Variants in GALK2 observed in about 807,000 individuals in gnomAD.
GALK2 encodes galactokinase 2.
In GALK2, 36 loss-of-function variants were observed where a neutral mutation model predicts 52.4. That is an observed-to-expected ratio of 0.69 (90% CI 0.53 to 0.91). The LOEUF (loss-of-function observed/expected upper bound fraction) is 0.91, where lower values mean the gene tolerates loss of function less well. Ranked by LOEUF, GALK2 falls within the 40% of genes least tolerant of loss-of-function variation. GALK2 has a pLI of 0.00. For synonymous variants in GALK2, 176 were observed against 199.1 expected (o/e 0.88, Z 0.98); for missense variants, 579 against 559.1 (o/e 1.04, Z -0.36).
intron 3 of GALK2, among the ~76,000 whole-genome samples, chr15:49,219,853 A>G (rs1365099745): frequency 2.0e-5 from 3 of 152,156 alleles, no homozygotes; most frequent in African/African-American, 7.2e-5. Context: ...GTATAATTTT[A>G]CATTTTCACC....
At chr15:49,224,829 G>A (rs1013207529) in intron 3 of GALK2, among the ~76,000 whole-genome samples, 1 of 152,098 alleles carries the variant, frequency 6.6e-6, no homozygotes, top group African/African-American at 2.4e-5. Flanking sequence ...GAGAGAAGTG[G>A]TGTTCTTTTA....
chr15:49,159,084 T>TA (rs2084554664), intron 1 of GALK2: 1 of 152,162 alleles, frequency 6.6e-6, no homozygotes, highest in South Asian at 2.1e-4. Flanking sequence ...AAAGCACTGG[T>TA]ATTACAGGTG....
chr15:49,264,265 A>T (rs940560858), intron 5 of GALK2, among the ~76,000 whole-genome samples: 4 of 151,668 alleles, frequency 2.6e-5, no homozygotes, highest in Admixed American at 2.6e-4. Flanking sequence ...GGCTTTGCTC[A>T]TTTCTTTTTA....
At chr15:49,157,790 G>A (rs528285430) in intron 1 of GALK2, among the ~76,000 whole-genome samples, 3 of 152,214 alleles carry the variant, frequency 2.0e-5, no homozygotes, top group Non-Finnish European at 4.4e-5. Flanking sequence ...TTATTAGCAC[G>A]GCATGTACCA....
intron 3 of GALK2, among the ~76,000 whole-genome samples, chr15:49,218,100 A>G (rs1366936282): frequency 1.3e-5 from 2 of 152,208 alleles, no homozygotes; most frequent in African/African-American, 4.8e-5. Flanking sequence ...GGCATATTAT[A>G]TGTTTGGCTT....
intron 1 of GALK2, chr15:49,178,386 T>TAC (rs1271354748): frequency 6.0e-6 from 1 of 166,136 alleles, no homozygotes; most frequent in African/African-American, 2.4e-5. Context: ...TACATATATA[T>TAC]ATATATGTGA....
chr15:49,354,293 G>A (rs945304317), intron 3 of GALK2, among the ~76,000 whole-genome samples: 2 of 152,186 alleles, frequency 1.3e-5, no homozygotes, highest in African/African-American at 2.4e-5. Context: ...CAGCGTGAGC[G>A]ACGCAGAAGA....
In GALK2 at chr15:49,304,476, A is replaced by G. The variant is rs187409701; in HGVS notation, c.967+11939A>G. On this transcript the variant is annotated intron_variant, in intron 8 of 9. Transcript: ENST00000560031. ...CTCCATCTCAACACGTTTGTCCACA[A>G]TCATGGCAGGAGGAAGGTAATGTTG... is the stretch of plus-strand genomic sequence containing the variant. Among the ~76,000 whole-genome samples, 8 of 152,354 alleles carry G rather than the reference A, an allele frequency of 5.3e-5. No homozygotes were observed. The East Asian group carries it at 1.2e-3, about 22-fold the overall frequency.
intron 1 of GALK2, chr15:49,178,271 T>C (rs2085660563): frequency 7.1e-6 from 1 of 139,974 alleles, no homozygotes; most frequent in African/African-American, 2.6e-5. Flanking sequence ...AATAAAAATA[T>C]ATGTACATGT....
chr15:49,299,552 T>C (rs1204354436), intron 8 of GALK2, among the ~76,000 whole-genome samples: 1 of 152,148 alleles, frequency 6.6e-6, no homozygotes, highest in East Asian at 1.9e-4. Context: ...TAACACTACT[T>C]TAGCTGTGCC....
chr15:49,248,360 C>T (rs1420830885), intron 5 of GALK2, among the ~76,000 whole-genome samples: 1 of 152,178 alleles, frequency 6.6e-6, no homozygotes, highest in African/African-American at 2.4e-5. Context: ...AAAACCTCAT[C>T]CATATAATGG....
chr15:49,353,613 G>T (rs1276066943), intron 3 of GALK2: 1 of 127,646 alleles, frequency 7.8e-6, no homozygotes, highest in Admixed American at 7.5e-5. Context: ...GGAAAATAAG[G>T]GTTTTTTTTT....
rs1325446294 is a variant in GALK2 at position 49,254,674 on chromosome 15, G to C, written c.504+15307G>C. 1.4e-5 allele frequency among the ~76,000 whole-genome samples: 2 copies of C among 143,876 alleles called. 1 individual carries two copies. The highest frequency in any genetic ancestry group is 5.0e-5 in the African/African-American group (2 of 40,238). 94.4% of individuals were successfully genotyped at this position (143,876 alleles called of 152,430 possible). On this transcript the variant is annotated intron_variant, in intron 5 of 9. Coordinates refer to ENST00000560031, the MANE Select transcript of GALK2 (RefSeq NM_002044.4). ...TTGGTGATAAAGGAAGAAATTTATT[G>C]GAAAAATTTAAAAGATGTAGATTTT...
intron 1 of GALK2, chr15:49,178,817 T>C: frequency 5.1e-6 from 1 of 195,666 alleles, no homozygotes; most frequent in Non-Finnish European, 1.1e-5. Flanking sequence ...CTTATATGAA[T>C]AGAAGGCTAG....
At chr15:49,201,032 T>C (rs2087706439) in intron 1 of GALK2, 130 bp from the exon 2 acceptor site, 7 of 464,898 alleles carry the variant, frequency 1.5e-5, no homozygotes, top group Non-Finnish European at 2.6e-5. Flanking sequence ...TAAGGAATAA[T>C]TAATGGTGGC....
At chr15:49,344,210 A>G (rs555152183) in intron 3 of GALK2, 2 of 152,272 alleles carry the variant, frequency 1.3e-5, no homozygotes, top group Non-Finnish European at 2.9e-5. Flanking sequence ...AAAGAAAGAA[A>G]ATTATCATAA....
At chr15:49,256,146 G>T (rs2091806547) in intron 5 of GALK2, among the ~76,000 whole-genome samples, 1 of 152,062 alleles carries the variant, frequency 6.6e-6, no homozygotes, top group Non-Finnish European at 1.5e-5. Context: ...ACGCGAATTT[G>T]GTTTGACTAA....
intron 1 of GALK2, among the ~76,000 whole-genome samples, chr15:49,192,485 G>GTATATATATGTGTA (rs1555400548): frequency 1.7e-4 from 17 of 102,976 alleles, no homozygotes; most frequent in Non-Finnish European, 3.0e-4. Flanking sequence ...ATATATATAT[G>GTATATATATGTGTA]TATATATATA....
chr15:49,200,074 G>A (rs1953803540), intron 1 of GALK2, among the ~76,000 whole-genome samples: 1 of 151,952 alleles, frequency 6.6e-6, no homozygotes, highest in Non-Finnish European at 1.5e-5. Flanking sequence ...TTATCATCCT[G>A]GTGTTATTAC....
Sources: gnomAD v4.1 joint callset for allele counts (sites outside exome capture counted in the v4.1 genomes callset) on GRCh38, gnomAD v4.1.1 for gene constraint, MANE v1.5 for transcripts, NCBI Gene and HGNC (gene_info 2026-07-23, HGNC 2026-07-21) for gene names.